ATF3: variants seen among roughly 807,000 people sequenced by gnomAD.
ATF3 encodes cyclic AMP-dependent transcription factor ATF-3.
ATF3 carries 10 observed loss-of-function variants against 18.4 expected under a neutral mutation model. The observed-to-expected ratio is 0.54, with a 90% CI of 0.34 to 0.92. ATF3 has a LOEUF of 0.92. ATF3 is among the 40% of genes least tolerant of loss of function. The probability of loss-of-function intolerance (pLI) is 0.02; values close to 1 mark genes in which losing one functional copy is unlikely to be tolerated. For missense variants in ATF3, 183 were observed against 222.3 expected, an observed-to-expected ratio of 0.82 and a Z score of 1.12; for synonymous variants, 78 against 87.9, an observed-to-expected ratio of 0.89 and a Z score of 0.63.
At chr1:212,606,251 A>G (rs971276397), upstream of ATF3, among the ~76,000 whole-genome samples, 2 of 152,182 alleles carry the variant, frequency 1.3e-5, no homozygotes, top group African/African-American at 4.8e-5. Context: ...TTCCCTGGGT[A>G]AGAGTTTCAT....
intron 1 of ATF3, among the ~76,000 whole-genome samples, chr1:212,611,307 A>G (rs961104117): frequency 6.6e-6 from 1 of 152,268 alleles, no homozygotes; most frequent in Non-Finnish European, 1.5e-5. Flanking sequence ...TTAATTCCTC[A>G]CTAACAGGGC....
intron 1 of ATF3, among the ~76,000 whole-genome samples, chr1:212,591,029 C>A (rs1331118473): frequency 6.6e-6 from 1 of 152,238 alleles, no homozygotes; most frequent in Non-Finnish European, 1.5e-5. Context: ...ACACACAAGA[C>A]CGTCCACCAT....
At position 212,619,053 on chromosome 1, in the gene ATF3, G is replaced by A. The variant is rs1175310478; in HGVS notation, c.349-305G>A. ...GTCTGGATTTCTCCCCAGCTCCCAAGGCCCTTTTGGGTCCAGAAGACCTGC... is the reference window on the plus strand; with the variant it reads ...GTCTGGATTTCTCCCCAGCTCCCAAAGCCCTTTTGGGTCCAGAAGACCTGC... On this transcript the variant is annotated intron_variant, in intron 3 of 3. Coordinates refer to ENST00000341491, the MANE Select transcript of ATF3 (RefSeq NM_001674.4). The surrounding 1 kb of genome is among the most constrained non-coding windows in gnomAD (Gnocchi z 4.4). 6.2e-7 allele frequency: 1 copy of A among 1,613,988 alleles called. No individual in the cohort carries two copies. The highest frequency in any genetic ancestry group is 1.3e-5 in the African/African-American group (1 of 74,884).
chr1:212,593,457 G>A (rs1024519240), intron 1 of ATF3, among the ~76,000 whole-genome samples: 1 of 152,006 alleles, frequency 6.6e-6, no homozygotes, highest in Non-Finnish European at 1.5e-5. Context: ...AAGTGTTCTT[G>A]GGTGTGGTGG....
intron 1 of ATF3, among the ~76,000 whole-genome samples, chr1:212,602,526 G>A (rs1344301361): frequency 6.6e-6 from 1 of 152,146 alleles, no homozygotes; most frequent in Non-Finnish European, 1.5e-5. Flanking sequence ...GAGGTGGTAG[G>A]TATCGTGGTT....
At chr1:212,601,051 AG>A (rs1654470904) in intron 1 of ATF3, among the ~76,000 whole-genome samples, 1 of 152,240 alleles carries the variant, frequency 6.6e-6, no homozygotes, top group Non-Finnish European at 1.5e-5. Flanking sequence ...GTCCGGTAAT[AG>A]GACACAATTT....
intron 1 of ATF3, among the ~76,000 whole-genome samples, chr1:212,598,767 C>A (rs978205995): frequency 2.0e-5 from 3 of 152,182 alleles, no homozygotes; most frequent in African/African-American, 4.8e-5. Flanking sequence ...TCAGTTTCAT[C>A]CATGTTGTTG....
chr1:212,618,321 C>A lies in ATF3; in HGVS notation c.348+87C>A. 1 of 1,377,422 alleles carries A rather than the reference C, an allele frequency of 7.3e-7. No homozygotes were observed. The highest frequency in any genetic ancestry group is 1.2e-5 in the South Asian group (1 of 85,812). 85.3% of individuals were successfully genotyped at this position (1,377,422 alleles called of 1,614,324 possible). A position where few individuals can be genotyped will look rare whatever the true frequency, so the allele number is the denominator to read the frequency against. On this transcript the variant is annotated intron_variant, in intron 3 of 3. Transcript: ENST00000341491. This position sits in a 1 kb window ranked among gnomAD's most constrained non-coding sequence, Gnocchi z 4.4. Reference sequence around the variant, plus strand: ...GCTATCAGAAGAAGAGTTAGAAAACCCCCTACTTGGTTATAGTTTCCCAAG... The same window carrying A: ...GCTATCAGAAGAAGAGTTAGAAAACACCCTACTTGGTTATAGTTTCCCAAG...
chr1:212,618,963 A>C lies in ATF3; in HGVS notation c.349-395A>C. On this transcript the variant is annotated intron_variant, in intron 3 of 3. Transcript: ENST00000341491. This position sits in a 1 kb window ranked among gnomAD's most constrained non-coding sequence, Gnocchi z 4.4. ...GGGAATTTTGTGTGTTGCTATATAC[A>C]TTTTTTCTGGGGAGATGAGCTTCTC... is the stretch of plus-strand genomic sequence containing the variant. 3.8e-6 allele frequency: 6 copies of C among 1,570,044 alleles called. No individual in the cohort carries two copies. Among genetic ancestry groups the C allele is most frequent in the Non-Finnish European group, 5.3e-6 (6 of 1,142,024 alleles).
chr1:212,594,511 A>C (rs1447318292), intron 1 of ATF3, among the ~76,000 whole-genome samples: 2 of 152,214 alleles, frequency 1.3e-5, no homozygotes, highest in African/African-American at 4.8e-5. Context: ...CAGATTTAAA[A>C]AGTCACTCTA....
chr1:212,618,923 G>A lies in ATF3; in HGVS notation c.349-435G>A. Reference sequence around the variant, plus strand: ...AAAAGTTCTGTTGATTGCTTCAGGGGATCAGTGAAAATTAGGGAATTTTGT... The same window carrying A: ...AAAAGTTCTGTTGATTGCTTCAGGGAATCAGTGAAAATTAGGGAATTTTGT... On this transcript the variant is annotated intron_variant, in intron 3 of 3. Transcript: ENST00000341491. This position sits in a 1 kb window ranked among gnomAD's most constrained non-coding sequence, Gnocchi z 4.4. 7.9e-7 allele frequency: 1 copy of A among 1,271,188 alleles called. No homozygotes were observed. Among genetic ancestry groups the A allele is most frequent in the East Asian group, 2.4e-5 (1 of 41,432 alleles). 78.7% of individuals were successfully genotyped at this position (1,271,188 alleles called of 1,614,324 possible).
chr1:212,572,085 G>A (rs964580149), intron 1 of ATF3, among the ~76,000 whole-genome samples: 29 of 152,194 alleles, frequency 1.9e-4, no homozygotes, highest in African/African-American at 6.3e-4. Flanking sequence ...AGTGGTCTCA[G>A]AATATCTATT....
chr1:212,568,002 T>G (rs867937974), intron 1 of ATF3, among the ~76,000 whole-genome samples: 1 of 152,196 alleles, frequency 6.6e-6, no homozygotes, highest in African/African-American at 2.4e-5. Context: ...AAGAAGAGCC[T>G]TGAACTTTTG....
chr1:212,618,207 G>T lies in ATF3; in HGVS notation c.321G>T (p.Lys107Asn), dbSNP rs779303746. 6.2e-7 allele frequency: 1 copy of T among 1,614,134 alleles called. No homozygotes were observed. The highest frequency in any genetic ancestry group is 8.5e-7 in the Non-Finnish European group (1 of 1,179,980). Reference protein sequence around the residue: ...KIAAAKCRNKKKEKTECLQKE... With the variant: ...KIAAAKCRNKNKEKTECLQKE... ...CAGCTGCAAAGTGCCGAAACAAGAA[G>T]AAGGAGAAGACGGAGTGCCTGCAGA... is the stretch of plus-strand genomic sequence containing the variant. Residue 107 changes from lysine to asparagine, a missense_variant, in exon 3 of 4, where the codon AAG (lysine) becomes AAT (asparagine). Transcript: ENST00000341491. This position sits in a 1 kb window ranked among gnomAD's most constrained non-coding sequence, Gnocchi z 4.4.
At chr1:212,615,549 C>T (rs1655086360) in intron 2 of ATF3, among the ~76,000 whole-genome samples, 1 of 151,966 alleles carries the variant, frequency 6.6e-6, no homozygotes, top group Admixed American at 6.5e-5. Flanking sequence ...GTGGCCCACG[C>T]TTATAATCCC....
In ATF3 at chr1:212,610,558, C is replaced by T. The variant is rs577471891; in HGVS notation, c.-5+1628C>T. On this transcript the variant is annotated intron_variant, in intron 1 of 3. Coordinates refer to ENST00000341491, the MANE Select transcript of ATF3 (RefSeq NM_001674.4). ...AGCAAAGAAGGCAGCACCCCACGCCCGCAGTGGGGATAAGATACAGCACCC... is the reference window on the plus strand; with the variant it reads ...AGCAAAGAAGGCAGCACCCCACGCCTGCAGTGGGGATAAGATACAGCACCC... Among the ~76,000 whole-genome samples, 12 of 152,284 alleles carry T rather than the reference C, an allele frequency of 7.9e-5. No homozygotes were observed. The East Asian group carries it at 1.7e-3, about 22-fold the overall frequency.
intron 1 of ATF3, among the ~76,000 whole-genome samples, chr1:212,574,357 A>G (rs1374340228): frequency 6.6e-6 from 1 of 151,844 alleles, no homozygotes; most frequent in Non-Finnish European, 1.5e-5. Flanking sequence ...TTTAATTTCT[A>G]TTATTAATAG....
At chr1:212,610,669 T>C (rs1302417278) in intron 1 of ATF3, among the ~76,000 whole-genome samples, 2 of 152,196 alleles carry the variant, frequency 1.3e-5, no homozygotes, top group Non-Finnish European at 2.9e-5. Flanking sequence ...TTTTTCTCCA[T>C]GGCCGTTTTC....
chr1:212,584,234 G>A (rs1287876748), intron 1 of ATF3, among the ~76,000 whole-genome samples: 2 of 152,140 alleles, frequency 1.3e-5, no homozygotes, highest in Non-Finnish European at 2.9e-5. Flanking sequence ...ACAAAGTTCT[G>A]AGCATCCTGA....
Sources: gnomAD v4.1 joint callset for allele counts (sites outside exome capture counted in the v4.1 genomes callset) on GRCh38, gnomAD v4.1.1 for gene constraint, Gnocchi (gnomAD v3.1) non-coding constraint, MANE v1.5 for transcripts, NCBI Gene and HGNC (gene_info 2026-07-23, HGNC 2026-07-21) for gene names.